Variants in ATP10B observed in about 807,000 individuals in gnomAD.
The protein encoded by ATP10B is phospholipid-transporting ATPase VB.
Under a neutral mutation model 141.2 loss-of-function variants are expected in ATP10B, and 122 were observed. The observed-to-expected ratio is 0.86, with a 90% CI of 0.75 to 1.00. The LOEUF (loss-of-function observed/expected upper bound fraction) is 1.00. Among genes scored for constraint, ATP10B ranks in the 50% least tolerant of loss-of-function variants. The probability of loss-of-function intolerance (pLI) is 0.00; values close to 1 mark genes in which losing one functional copy is unlikely to be tolerated. For missense variants in ATP10B, 1,876 were observed against 1,825.3 expected, an observed-to-expected ratio of 1.03 and a Z score of -0.51; for synonymous variants, 685 against 692.0, an observed-to-expected ratio of 0.99 and a Z score of 0.16.
chr5:160,845,657 G>A (rs1366216013), intron 1 of ATP10B, among the ~76,000 whole-genome samples: 1 of 152,186 alleles, frequency 6.6e-6, no homozygotes, highest in East Asian at 1.9e-4. Context: ...AAAGCGTAGA[G>A]CCCCCTGTGA....
At chr5:160,596,060 G>A (rs1473756712) in intron 22 of ATP10B, among the ~76,000 whole-genome samples, 2 of 151,828 alleles carry the variant, frequency 1.3e-5, no homozygotes, top group African/African-American at 2.4e-5. Flanking sequence ...GCATCATCCT[G>A]ATACCAAAGC....
At chr5:160,692,661 A>G (rs547446443) in intron 3 of ATP10B, 1 of 152,252 alleles carries the variant, frequency 6.6e-6, no homozygotes, top group Non-Finnish European at 1.5e-5. Context: ...AGCTGACGCC[A>G]ACCAGTTTGA....
chr5:160,684,858 G>A, intron 6 of ATP10B: 1 of 701,068 alleles, frequency 1.4e-6, no homozygotes, highest in Non-Finnish European at 2.6e-6. Context: ...GGCACTCTCG[G>A]TTATTGATGA....
chr5:160,924,980 C>T, the ATP10B span, among the ~76,000 whole-genome samples: 1 of 152,040 alleles, frequency 6.6e-6, no homozygotes, highest in Non-Finnish European at 1.5e-5. Context: ...TGGTGAAATC[C>T]TAGAGACACA....
chr5:160,785,565 G>C lies in ATP10B; in HGVS notation c.-337C>G. The C allele has an allele frequency of 1.4e-6, 1 of 739,464 alleles. No individual in the cohort carries two copies. The highest frequency in any genetic ancestry group is 2.1e-6 in the Non-Finnish European group (1 of 486,874). The allele number at this position is 739,464 out of a possible 1,614,324, so 45.8% of individuals were successfully genotyped here. The stretch of plus-strand genomic sequence containing the variant: ...CAAGAAGTAAAGATAGTACCTGATA[G>C]GTAGATTTCAAGTCTTGTTCCTCTT... On this transcript the variant is annotated 5_prime_UTR_variant, in exon 2 of 26. Transcript: ENST00000327245.
At position 160,620,603 on chromosome 5, in the gene ATP10B, C is replaced by G. The variant is rs1581212395; in HGVS notation, c.2160G>C (p.Glu720Asp). The change falls in exon 15 of 26, where the codon GAG becomes GAC. Residue 720 changes from glutamate to aspartate, a missense_variant. Transcript: ENST00000327245. ...LARPEFCYEA[E>D]SPDEAALVHA... ...GCACCAGGGCGGCCTCATCAGGGCTCTCAGCCTCGTAACAGAACTCAGGCC... is the reference window on the plus strand; with the variant it reads ...GCACCAGGGCGGCCTCATCAGGGCTGTCAGCCTCGTAACAGAACTCAGGCC... The G allele has an allele frequency of 6.2e-7, 1 of 1,613,834 alleles. No homozygotes were observed. The highest frequency in any genetic ancestry group is 1.7e-4 in the Middle Eastern group (1 of 6,060).
At chr5:160,829,950 C>G (rs1774947793) in intron 1 of ATP10B, among the ~76,000 whole-genome samples, 1 of 152,066 alleles carries the variant, frequency 6.6e-6, no homozygotes, top group African/African-American at 2.4e-5. Flanking sequence ...TTATTTCTTT[C>G]TCTTGCTGAT....
At chr5:160,595,086 A>T (rs1756584548) in intron 22 of ATP10B, among the ~76,000 whole-genome samples, 1 of 152,226 alleles carries the variant, frequency 6.6e-6, no homozygotes, top group Admixed American at 6.5e-5. Flanking sequence ...TCAAGAATAT[A>T]CATTCTTCTC....
chr5:160,867,057 A>C, the ATP10B span, among the ~76,000 whole-genome samples: 2 of 152,112 alleles, frequency 1.3e-5, no homozygotes, highest in African/African-American at 2.4e-5. Flanking sequence ...TGTACTAGCT[A>C]TATGTTCTTA....
In ATP10B at chr5:160,687,938, C is replaced by G; in HGVS notation, c.137G>C (p.Arg46Pro). 1 of 1,614,072 alleles carries G rather than the reference C, an allele frequency of 6.2e-7. No individual in the cohort carries two copies. Among genetic ancestry groups the G allele is most frequent in the South Asian group, 1.1e-5 (1 of 91,074 alleles). ...TATGCTGTTGTTGGGGAACACGACC[C>G]GCTGCTGTGTCAAGTTGTAGCTCTG... ...GRQSYNLTQQ[R>P]VVFPNNSIFH... Residue 46 changes from arginine to proline, a missense_variant, in exon 5 of 26, where the codon CGG becomes CCG. Physicochemically the swap from Arg to Pro is moderately radical, Grantham distance 103. Coordinates refer to ENST00000327245, the MANE Select transcript of ATP10B (RefSeq NM_025153.3).
In ATP10B at chr5:160,769,157, A is replaced by G. The variant is rs1183550607; in HGVS notation, c.-331+16402T>C. Among the ~76,000 whole-genome samples, 2 of 147,624 alleles carry G rather than the reference A, an allele frequency of 1.4e-5. 1 individual carries two copies. The highest frequency in any genetic ancestry group is 4.3e-4 in the South Asian group (2 of 4,656). On this transcript the variant is annotated intron_variant, in intron 2 of 25. Coordinates refer to ENST00000327245, the MANE Select transcript of ATP10B (RefSeq NM_025153.3). The stretch of plus-strand genomic sequence containing the variant: ...GGGTATTTGTTTAACAGAGGAGGGT[A>G]GTGATTTTTTAAATCCTTGGCAAAT...
chr5:160,909,007 T>C, the ATP10B span, among the ~76,000 whole-genome samples: 1 of 152,270 alleles, frequency 6.6e-6, no homozygotes, highest in Admixed American at 6.5e-5. Flanking sequence ...ATCTACTATG[T>C]GCCAGGTACG....
upstream of ATP10B, among the ~76,000 whole-genome samples, chr5:160,855,275 C>T (rs75402348): frequency 6.6e-5 from 10 of 152,142 alleles, no homozygotes; most frequent in East Asian, 1.5e-3. Flanking sequence ...CTAGTTTCTC[C>T]GCATCCTCAC....
intron 3 of ATP10B, among the ~76,000 whole-genome samples, chr5:160,709,595 TTTTTTTTTTTTAA>T (rs1227332583): frequency 8.8e-6 from 1 of 113,864 alleles, no homozygotes; most frequent in African/African-American, 3.3e-5. Flanking sequence ...CATAAACAAA[TTTTTTTTTTTTAA>T]TTTTTTTTTT....
At chr5:160,848,069 A>G (rs1776233402) in intron 1 of ATP10B, among the ~76,000 whole-genome samples, 1 of 152,212 alleles carries the variant, frequency 6.6e-6, no homozygotes, top group Non-Finnish European at 1.5e-5. Context: ...ACTTATATGC[A>G]GAATTTACAC....
At chr5:160,617,797 GA>G (rs1758106654) in intron 16 of ATP10B, 66 bp downstream of exon 16, 1 of 1,329,992 alleles carries the variant, frequency 7.5e-7, no homozygotes, top group African/African-American at 1.5e-5. Context: ...TAAAGAAAAA[GA>G]AGCAGGGTCA....
intron 1 of ATP10B, among the ~76,000 whole-genome samples, chr5:160,850,681 T>C (rs539601143): frequency 6.6e-6 from 1 of 152,266 alleles, no homozygotes; most frequent in Admixed American, 6.5e-5. Context: ...GAGAGGAGTA[T>C]GATTTAACTG....
the ATP10B span, among the ~76,000 whole-genome samples, chr5:160,916,817 C>T: frequency 6.6e-6 from 1 of 152,296 alleles, no homozygotes; most frequent in Admixed American, 6.5e-5. Flanking sequence ...GGGGCTGGCA[C>T]AGTTTAGAAA....
intron 1 of ATP10B, among the ~76,000 whole-genome samples, chr5:160,809,226 A>G (rs1772980224): frequency 6.6e-6 from 1 of 152,224 alleles, no homozygotes; most frequent in Non-Finnish European, 1.5e-5. Context: ...CTTTAAAAAT[A>G]AGAGAAAAAT....
Sources: gnomAD v4.1 joint callset for allele counts (sites outside exome capture counted in the v4.1 genomes callset) on GRCh38, gnomAD v4.1.1 for gene constraint, MANE v1.5 for transcripts, NCBI Gene and HGNC (gene_info 2026-07-23, HGNC 2026-07-21) for gene names.